Variants in NDUFB6 observed in about 807,000 individuals in gnomAD.
The protein encoded by NDUFB6 is NADH:ubiquinone oxidoreductase subunit B6.
Under a neutral mutation model 17.5 loss-of-function variants are expected in NDUFB6, and 23 were observed. That is an observed-to-expected ratio of 1.31 (90% CI 0.94 to 1.86). The LOEUF (loss-of-function observed/expected upper bound fraction) is 1.86, where lower values mean the gene tolerates loss of function less well. NDUFB6 is among the 40% of genes most tolerant of loss of function. The pLI is 0.00. For missense variants in NDUFB6, 167 were observed against 153.8 expected, an observed-to-expected ratio of 1.09 and a Z score of -0.46; for synonymous variants, 60 against 53.5, an observed-to-expected ratio of 1.12 and a Z score of -0.53.
At chr9:32,569,368 G>A (rs547024470) in intron 2 of NDUFB6, among the ~76,000 whole-genome samples, 5 of 151,900 alleles carry the variant, frequency 3.3e-5, no homozygotes, top group Admixed American at 6.6e-5. Context: ...ACAGGCGCCC[G>A]CCACCATGCC....
chr9:32,553,861 C>T lies in NDUFB6; in HGVS notation c.*15G>A. 1 of 1,535,134 alleles carries T rather than the reference C, an allele frequency of 6.5e-7. No homozygotes were observed. The highest frequency in any genetic ancestry group is 1.4e-5 in the African/African-American group (1 of 72,886). On this transcript the variant is annotated 3_prime_UTR_variant, in exon 4 of 4. Coordinates refer to ENST00000379847, the MANE Select transcript of NDUFB6 (RefSeq NM_002493.5). ...AAACTTAGGCTCATAAGCCTTTTAA[C>T]TTTTTACATAATCTTTAATGATGTT...
intron 1 of NDUFB6, 123 bp downstream of exon 1, chr9:32,572,758 C>T (rs987666312): frequency 2.3e-6 from 2 of 857,200 alleles, no homozygotes; most frequent in Non-Finnish European, 3.4e-6. Context: ...CGGGACTGGC[C>T]AGTGTCCCAG....
chr9:32,554,085 T>A, intron 3 of NDUFB6, 141 bp from the exon 4 acceptor site: 1 of 514,090 alleles, frequency 1.9e-6, no homozygotes, highest in Non-Finnish European at 3.5e-6. Context: ...CTAGACAAAG[T>A]AGAAGCTGAC....
At chr9:32,568,661 T>A (rs1821867329) in intron 2 of NDUFB6, 1 of 165,506 alleles carries the variant, frequency 6.0e-6, no homozygotes, top group Non-Finnish European at 1.4e-5. Flanking sequence ...TATATATGTA[T>A]ATATGTACAT....
intron 2 of NDUFB6, chr9:32,568,026 A>G (rs598349): frequency 0.59 from 97,913 of 166,808 alleles, 29,075 homozygotes; most frequent in Middle Eastern, 0.69. Flanking sequence ...CTCCAGCCTG[A>G]GTGACACAGC....
rs1200218701 is a variant in NDUFB6, at chr9:32,568,729, T to TGC, written c.273+2229_273+2230dup. The TGC allele has an allele frequency of 2.1e-4, 22 of 104,034 alleles. No homozygotes were observed. In the South Asian group the frequency reaches 6.6e-3, roughly 31 times the overall value. The allele number at this position is 104,034 out of a possible 1,614,324, so 6.4% of individuals were successfully genotyped here. ...ATGTGTATGTATATGTGTGTGTGTG[T>TGC]GCATATATATATATATATATTTTTT... On this transcript the variant is annotated intron_variant, in intron 2 of 3. Coordinates refer to ENST00000379847, the MANE Select transcript of NDUFB6 (RefSeq NM_002493.5).
At chr9:32,559,138 G>T (rs1821557588) in intron 2 of NDUFB6, among the ~76,000 whole-genome samples, 184 bp from the exon 3 acceptor site, 1 of 152,052 alleles carries the variant, frequency 6.6e-6, no homozygotes, top group Admixed American at 6.5e-5. Context: ...ACTTAACCAG[G>T]TCCCACACTT....
intron 3 of NDUFB6, among the ~76,000 whole-genome samples, chr9:32,557,784 CA>C (rs1270086361): frequency 3.3e-5 from 5 of 152,036 alleles, no homozygotes; most frequent in African/African-American, 1.2e-4. Flanking sequence ...GCCCCTCCCC[CA>C]ACTATTTCTT....
At chr9:32,565,359 T>C (rs1821752831) in intron 2 of NDUFB6, 1 of 152,176 alleles carries the variant, frequency 6.6e-6, no homozygotes, top group African/African-American at 2.4e-5. Flanking sequence ...ACAAACATCT[T>C]ACCCCCAAAG....
chr9:32,566,893 C>A (rs1821810032), intron 2 of NDUFB6: 3 of 582,984 alleles, frequency 5.1e-6, no homozygotes, highest in Non-Finnish European at 6.3e-6. Flanking sequence ...GCGAAAAGCA[C>A]TGAGGAAGCA....
Position 32,553,818 on chromosome 9 carries a change from A to T in NDUFB6, c.*58T>A. 1.8e-6 allele frequency: 2 copies of T among 1,104,144 alleles called. No homozygotes were observed. Among genetic ancestry groups the T allele is most frequent in the Non-Finnish European group, 2.7e-6 (2 of 736,354 alleles). The allele number at this position is 1,104,144 out of a possible 1,614,324, so 68.4% of individuals were successfully genotyped here. ...GTTACTTTTCCAGAAAATTCAGTAA[A>T]TATGGTAATATAGGAACAAACTTAG... On this transcript the variant is annotated 3_prime_UTR_variant, in exon 4 of 4. Coordinates refer to ENST00000379847, the MANE Select transcript of NDUFB6 (RefSeq NM_002493.5).
Position 32,572,921 on chromosome 9 carries a change from C to T in NDUFB6, c.140G>A (p.Trp47Ter), listed in dbSNP as rs1286491540. 1 of 1,604,726 alleles carries T rather than the reference C, an allele frequency of 6.2e-7. No individual in the cohort carries two copies. Among genetic ancestry groups the T allele is most frequent in the South Asian group, 1.1e-5 (1 of 90,474 alleles). ...PQKMGPMEKF[W>*]NKFLENKSPW... The stretch of plus-strand genomic sequence containing the variant: ...GGATTTATTCTCCAAAAATTTATTC[C>T]AGAATTTCTCCATAGGCCCCATCTT... Residue 47 changes from tryptophan (W) to a stop codon, truncating the protein, a stop_gained, in exon 1 of 4, where the codon TGG (tryptophan) becomes TAG (stop). Coordinates refer to ENST00000379847, the MANE Select transcript of NDUFB6 (RefSeq NM_002493.5). LOFTEE classifies it high-confidence loss of function.
intron 2 of NDUFB6, among the ~76,000 whole-genome samples, chr9:32,561,035 A>G (rs946684883): frequency 7.2e-5 from 11 of 152,248 alleles, no homozygotes; most frequent in Non-Finnish European, 1.5e-4. Flanking sequence ...TAGTGAAAAC[A>G]TAACAGATGT....
At chr9:32,556,644 T>C (rs1042250887) in intron 3 of NDUFB6, among the ~76,000 whole-genome samples, 1 of 152,176 alleles carries the variant, frequency 6.6e-6, no homozygotes, top group African/African-American at 2.4e-5. Flanking sequence ...GGATCCCTGA[T>C]ATGGTCTTCT....
chr9:32,566,542 T>C, intron 2 of NDUFB6: 1 of 773,202 alleles, frequency 1.3e-6, no homozygotes, highest in South Asian at 1.4e-5. Context: ...TCCTCTGTTG[T>C]ATAGCTGCCG....
chr9:32,557,118 A>G (rs34824557), intron 3 of NDUFB6, among the ~76,000 whole-genome samples: 334 of 149,748 alleles, frequency 2.2e-3, no homozygotes, highest in Non-Finnish European at 3.8e-3. Flanking sequence ...TCTGCCTCCC[A>G]AAGTGCTGGC....
rs775513868 is a variant in NDUFB6 at position 32,571,054 on chromosome 9, T to TG, written c.181-3dup. 1.9e-6 allele frequency: 3 copies of TG among 1,588,170 alleles called. No individual in the cohort carries two copies. Among genetic ancestry groups the TG allele is most frequent in the Non-Finnish European group, 2.6e-6 (3 of 1,163,780 alleles). On this transcript the variant is annotated splice_region_variant and splice_polypyrimidine_tract_variant and intron_variant, in intron 1 of 3. Coordinates refer to ENST00000379847, the MANE Select transcript of NDUFB6 (RefSeq NM_002493.5). ...ACTCTTTTTGTATACCCCATGGACC[T>TG]GGGGGGAAAAACACATACACAAAAT...
intron 2 of NDUFB6, among the ~76,000 whole-genome samples, chr9:32,569,092 A>G (rs1162011476): frequency 6.6e-6 from 1 of 152,206 alleles, no homozygotes; most frequent in South Asian, 2.1e-4. Flanking sequence ...TCCAGCCTGC[A>G]ACAACCATCA....
chr9:32,566,147 G>C (rs1030521906), intron 2 of NDUFB6: 6 of 673,570 alleles, frequency 8.9e-6, no homozygotes, highest in Non-Finnish European at 1.6e-5. Flanking sequence ...GTGTGTATAT[G>C]TCACTGGCGC....
Sources: allele counts gnomAD v4.1 joint callset (sites outside exome capture counted in the v4.1 genomes callset), GRCh38; gene constraint gnomAD v4.1.1; transcripts MANE v1.5; gene names NCBI Gene and HGNC (gene_info 2026-07-23, HGNC 2026-07-21).